Variants in NRG1 observed in about 807,000 individuals in gnomAD.
The protein encoded by NRG1 is neuregulin 1.
A neutral mutation model predicts 63.8 loss-of-function variants in NRG1; 18 were observed. The observed-to-expected ratio is 0.28, with a 90% CI of 0.19 to 0.42. NRG1 has a LOEUF of 0.42. Ranked by LOEUF, NRG1 falls within the 10% of genes least tolerant of loss-of-function variation. The pLI is 1.00. For synonymous variants in NRG1, 302 were observed against 301.3 expected (o/e 1.00, Z -0.02); for missense variants, 762 against 814.7 (o/e 0.94, Z 0.79).
chr8:31,966,703 A>G lies in NRG1; in HGVS notation c.37+327272A>G, dbSNP rs536027009. Reference sequence around the variant, plus strand: ...TTGTCCCATTGAATAGATGTGGCACATTCTGGATCTAGTGAGAATAACCTA... The same window carrying G: ...TTGTCCCATTGAATAGATGTGGCACGTTCTGGATCTAGTGAGAATAACCTA... On this transcript the variant is annotated intron_variant, in intron 1 of 10. Transcript: ENST00000519301. 1.4e-4 allele frequency among the ~76,000 whole-genome samples: 21 copies of G among 152,326 alleles called. No individual in the cohort carries two copies. The South Asian group carries it at 3.3e-3, about 24-fold the overall frequency.
intron 1 of NRG1, among the ~76,000 whole-genome samples, chr8:32,216,344 C>A (rs1220368702): frequency 1.3e-5 from 2 of 148,910 alleles, no homozygotes; most frequent in African/African-American, 4.9e-5. Context: ...TTGTCTCTGA[C>A]AGTATTAAAT....
intron 5 of NRG1, among the ~76,000 whole-genome samples, 191 bp from the exon 6 acceptor site, chr8:32,727,757 CT>C (rs1316265426): frequency 6.6e-6 from 1 of 152,138 alleles, no homozygotes; most frequent in Non-Finnish European, 1.5e-5. Flanking sequence ...ATAATTCTCT[CT>C]TTTATAATTT....
At chr8:32,674,361 C>T (rs893985936) in intron 5 of NRG1, among the ~76,000 whole-genome samples, 2 of 152,108 alleles carry the variant, frequency 1.3e-5, no homozygotes, top group Admixed American at 1.3e-4. Flanking sequence ...AATTTCTCAC[C>T]TGAATCTTTC....
At chr8:32,217,195 G>A (rs1402785580) in intron 1 of NRG1, among the ~76,000 whole-genome samples, 1 of 128,722 alleles carries the variant, frequency 7.8e-6, no homozygotes, top group Non-Finnish European at 1.6e-5. Flanking sequence ...GCCTGGGTAA[G>A]AGAGTGAGAC....
At chr8:31,732,605 T>C (rs933004786) in intron 1 of NRG1, among the ~76,000 whole-genome samples, 7 of 152,102 alleles carry the variant, frequency 4.6e-5, no homozygotes, top group Admixed American at 3.3e-4. Flanking sequence ...AAATAACATA[T>C]ATTGGCCAGA....
intron 1 of NRG1, among the ~76,000 whole-genome samples, chr8:32,570,097 G>A (rs929700476): frequency 7.3e-5 from 11 of 151,632 alleles, no homozygotes; most frequent in African/African-American, 2.4e-4. Flanking sequence ...TAGTAGAGAC[G>A]GGATTTTTAC....
chr8:32,122,984 A>C (rs1052359948), intron 1 of NRG1, among the ~76,000 whole-genome samples: 19 of 151,840 alleles, frequency 1.3e-4, no homozygotes, highest in African/African-American at 4.6e-4. Flanking sequence ...ATGGAATACT[A>C]TGCAGCCGTA....
At chr8:32,671,031 A>G (rs1347914010) in intron 5 of NRG1, among the ~76,000 whole-genome samples, 1 of 152,064 alleles carries the variant, frequency 6.6e-6, no homozygotes, top group Non-Finnish European at 1.5e-5. Context: ...TGAGGCATAT[A>G]TGGGAGACTA....
intron 5 of NRG1, among the ~76,000 whole-genome samples, chr8:32,699,203 A>C (rs559850935): frequency 6.6e-6 from 1 of 152,320 alleles, no homozygotes; most frequent in South Asian, 2.1e-4. Context: ...GTTTGATAGT[A>C]CATATAAGTA....
chr8:32,457,301 AG>A (rs1821723498), intron 1 of NRG1, among the ~76,000 whole-genome samples: 1 of 152,184 alleles, frequency 6.6e-6, no homozygotes, highest in African/African-American at 2.4e-5. Context: ...TACAGTAAGC[AG>A]AACACATGAT....
intron 1 of NRG1, among the ~76,000 whole-genome samples, chr8:32,269,057 C>T (rs1234586429): frequency 6.6e-6 from 1 of 151,880 alleles, no homozygotes; most frequent in East Asian, 1.9e-4. Context: ...TTCCTCCTTC[C>T]CTCCTTCCCT....
At chr8:32,089,277 C>A (rs1205435658) in intron 1 of NRG1, among the ~76,000 whole-genome samples, 1 of 152,162 alleles carries the variant, frequency 6.6e-6, no homozygotes, top group Non-Finnish European at 1.5e-5. Flanking sequence ...AGGCTCTTGG[C>A]AATGGCAAGA....
chr8:32,094,781 G>A (rs1166468632), intron 1 of NRG1, among the ~76,000 whole-genome samples: 1 of 150,656 alleles, frequency 6.6e-6, no homozygotes, highest in African/African-American at 2.4e-5. Flanking sequence ...TACCCTCCCC[G>A]CAAAAGTTTA....
intron 1 of NRG1, among the ~76,000 whole-genome samples, chr8:31,968,830 C>T (rs769371525): frequency 6.6e-6 from 1 of 152,110 alleles, no homozygotes; most frequent in South Asian, 2.1e-4. Flanking sequence ...GCAATTGACA[C>T]GATAAGAGAA....
At chr8:32,205,092 T>C (rs1457252411) in intron 1 of NRG1, among the ~76,000 whole-genome samples, 1 of 152,224 alleles carries the variant, frequency 6.6e-6, no homozygotes. Context: ...GATATGTTGT[T>C]AAGTAAACAT....
chr8:32,550,234 A>T (rs1833863184), intron 1 of NRG1, among the ~76,000 whole-genome samples: 1 of 152,096 alleles, frequency 6.6e-6, no homozygotes. Context: ...GCCCCTCATG[A>T]GGGTGTATTG....
At chr8:32,323,179 T>C (rs192231533) in intron 1 of NRG1, among the ~76,000 whole-genome samples, 9 of 152,266 alleles carry the variant, frequency 5.9e-5, no homozygotes, top group Admixed American at 3.3e-4. Context: ...CCTTCCCTCA[T>C]TCATTGTTCT....
At position 32,742,948 on chromosome 8, in the gene NRG1, G is replaced by GC; in HGVS notation, c.691+215_691+216insC. On this transcript the variant is annotated intron_variant, in intron 7 of 11. Transcript: ENST00000356819. This position sits in a 1 kb window ranked among gnomAD's most constrained non-coding sequence, Gnocchi z 4.2. Reference sequence around the variant, plus strand: ...CTAGTTGGCTCTGAGATACTAATAGGTGTGTGAGGCTCCGGATGTTTCTGG... The same window carrying GC: ...CTAGTTGGCTCTGAGATACTAATAGGCTGTGTGAGGCTCCGGATGTTTCTGG... 1 of 1,413,062 alleles carries GC rather than the reference G, an allele frequency of 7.1e-7. No individual in the cohort carries two copies. The highest frequency in any genetic ancestry group is 2.5e-5 in the East Asian group (1 of 40,630). 87.5% of individuals were successfully genotyped at this position (1,413,062 alleles called of 1,614,324 possible). A position where few individuals can be genotyped will look rare whatever the true frequency, so the allele number is the denominator to read the frequency against.
At chr8:31,742,767 A>G (rs911169177) in intron 1 of NRG1, among the ~76,000 whole-genome samples, 4 of 151,874 alleles carry the variant, frequency 2.6e-5, no homozygotes, top group African/African-American at 7.2e-5. Context: ...TGGCTCTGCT[A>G]TTTTCAACAT....
Sources: allele counts gnomAD v4.1 joint callset (sites outside exome capture counted in the v4.1 genomes callset), GRCh38; gene constraint gnomAD v4.1.1; non-coding constraint Gnocchi (gnomAD v3.1); transcripts MANE v1.5; gene names NCBI Gene and HGNC (gene_info 2026-07-23, HGNC 2026-07-21).